PLD5: variants seen among roughly 807,000 people sequenced by gnomAD.
PLD5 encodes inactive phospholipase D5.
In PLD5, 36 loss-of-function variants were observed where a neutral mutation model predicts 61.1. The observed-to-expected ratio is 0.59, with a 90% CI of 0.45 to 0.78. The LOEUF (loss-of-function observed/expected upper bound fraction) is 0.78. Among genes scored for constraint, PLD5 ranks in the 30% least tolerant of loss-of-function variants. The pLI is 0.00. For synonymous variants in PLD5, 243 were observed against 242.8 expected (o/e 1.00, Z -0.01); for missense variants, 515 against 644.4 (o/e 0.80, Z 2.17).
At chr1:242,148,401 T>A in intron 5 of PLD5, among the ~76,000 whole-genome samples, 1 of 151,626 alleles carries the variant, frequency 6.6e-6, no homozygotes, top group South Asian at 2.1e-4. Context: ...GTATAGTAGG[T>A]CAGAAAATCA....
intron 1 of PLD5, among the ~76,000 whole-genome samples, chr1:242,419,104 GA>G (rs1310909007): frequency 6.6e-6 from 1 of 150,996 alleles, no homozygotes; most frequent in East Asian, 1.9e-4. Flanking sequence ...ACACAGGCAG[GA>G]AAAAAAAATG....
chr1:242,409,071 A>AAAAAAAG (rs1259125803), intron 1 of PLD5, among the ~76,000 whole-genome samples: 7 of 140,376 alleles, frequency 5.0e-5, no homozygotes, highest in African/African-American at 2.2e-4. Flanking sequence ...CTCTCAAAAA[A>AAAAAAAG]AAAAGAAAAG....
rs1044757770 is a variant in PLD5 at position 242,499,298 on chromosome 1, C to A, written c.189+24790G>T. Among the ~76,000 whole-genome samples, 13 of 152,162 alleles carry A rather than the reference C, an allele frequency of 8.5e-5. 1 individual carries two copies. Among genetic ancestry groups the A allele is most frequent in the Middle Eastern group, 6.8e-3 (2 of 294 alleles). On this transcript the variant is annotated intron_variant, in intron 1 of 9. Coordinates refer to ENST00000536534, the MANE Select transcript of PLD5 (RefSeq NM_001372062.1). ...AGGCTTTATATGTGGCAAGTAGGTTCCATGGAGAAATAAAAATTGGCAGAA... is the reference window on the plus strand; with the variant it reads ...AGGCTTTATATGTGGCAAGTAGGTTACATGGAGAAATAAAAATTGGCAGAA...
chr1:242,270,481 T>G (rs1184809412), intron 3 of PLD5, among the ~76,000 whole-genome samples: 1 of 152,152 alleles, frequency 6.6e-6, no homozygotes, highest in Non-Finnish European at 1.5e-5. Context: ...TGCAACACAG[T>G]TCTCCCTGAA....
intron 1 of PLD5, among the ~76,000 whole-genome samples, chr1:242,362,074 T>A (rs1661100383): frequency 6.6e-6 from 1 of 151,932 alleles, no homozygotes; most frequent in African/African-American, 2.4e-5. Flanking sequence ...GTACAAAAAT[T>A]ATCCAAAAAT....
At chr1:242,235,194 G>C (rs926072263) in intron 4 of PLD5, among the ~76,000 whole-genome samples, 2 of 152,030 alleles carry the variant, frequency 1.3e-5, no homozygotes, top group African/African-American at 4.8e-5. Context: ...GCCTCATGAG[G>C]GTAATAACAG....
At chr1:242,413,992 C>T (rs1258415758) in intron 1 of PLD5, among the ~76,000 whole-genome samples, 1 of 152,136 alleles carries the variant, frequency 6.6e-6, no homozygotes, top group Non-Finnish European at 1.5e-5. Context: ...ATTTTAAAAA[C>T]TCCCTTTGGT....
At position 242,084,890 on chromosome 1, in the gene PLD5, G is replaced by A. The variant is rs910478879; in HGVS notation, c.*4964C>T. Reference sequence around the variant, plus strand: ...CTTCTTCATAATTTACCACAGTACAGCTTGGTTACTGATGAGAGACTGATT... The same window carrying A: ...CTTCTTCATAATTTACCACAGTACAACTTGGTTACTGATGAGAGACTGATT... On this transcript the variant is annotated 3_prime_UTR_variant, in exon 10 of 10. Coordinates refer to ENST00000536534, the MANE Select transcript of PLD5 (RefSeq NM_001372062.1). The A allele has an allele frequency of 4.7e-5, 7 of 150,322 alleles. No individual in the cohort carries two copies. The highest frequency in any genetic ancestry group is 1.7e-4 in the African/African-American group (7 of 40,912). 9.3% of individuals were successfully genotyped at this position (150,322 alleles called of 1,614,324 possible). A position where few individuals can be genotyped will look rare whatever the true frequency, so the allele number is the denominator to read the frequency against.
At chr1:242,161,688 A>C (rs1665841215) in intron 5 of PLD5, among the ~76,000 whole-genome samples, 1 of 152,184 alleles carries the variant, frequency 6.6e-6, no homozygotes, top group African/African-American at 2.4e-5. Context: ...TGACTTAGGA[A>C]CATTTCACTC....
intron 5 of PLD5, among the ~76,000 whole-genome samples, chr1:242,135,874 A>G (rs762231299): frequency 6.6e-6 from 1 of 151,996 alleles, no homozygotes; most frequent in Non-Finnish European, 1.5e-5. Flanking sequence ...CCTCCTTTCT[A>G]CTTCTCACTG....
At chr1:242,132,366 CAGAATAATTAATATGAGTTAGCTCA>C (rs1663366011) in intron 5 of PLD5, among the ~76,000 whole-genome samples, 1 of 152,056 alleles carries the variant, frequency 6.6e-6, no homozygotes, top group Non-Finnish European at 1.5e-5. Flanking sequence ...TGCTGTAATT[CAGAATAATTAATATGAGTTAGCTCA>C]AGAAAGCTCA....
chr1:242,228,240 T>G (rs997198195), intron 4 of PLD5, among the ~76,000 whole-genome samples: 4 of 152,190 alleles, frequency 2.6e-5, no homozygotes, highest in Non-Finnish European at 5.9e-5. Context: ...ATAAACTAGA[T>G]CTATCTTCCA....
intron 1 of PLD5, among the ~76,000 whole-genome samples, chr1:242,435,750 G>A (rs2008631): frequency 0.27 from 41,036 of 152,064 alleles, 6,326 homozygotes; most frequent in Admixed American, 0.34. Context: ...TGATCATAGT[G>A]ACTTTATGGA....
upstream of PLD5, among the ~76,000 whole-genome samples, chr1:242,528,940 T>G (rs1669498808): frequency 6.6e-6 from 1 of 152,244 alleles, no homozygotes; most frequent in South Asian, 2.1e-4. Context: ...TAAAACATGT[T>G]AATACTTAGA....
intron 1 of PLD5, chr1:242,377,282 G>C: frequency 6.2e-7 from 1 of 1,609,032 alleles, no homozygotes; most frequent in Non-Finnish European, 8.5e-7. Context: ...GGTTTTCAGT[G>C]GTGAAGCCAC....
In PLD5 at chr1:242,371,135, C is replaced by T. The variant is rs529405189; in HGVS notation, c.190-22893G>A. Among the ~76,000 whole-genome samples, 22 of 152,272 alleles carry T rather than the reference C, an allele frequency of 1.4e-4. No homozygotes were observed. The South Asian group carries it at 3.9e-3, about 27-fold the overall frequency. ...AAGTTAGGATTGACTTCGGGTGTAA[C>T]TGGCAAGTAATGAAGAAGCAAAATT... On this transcript the variant is annotated intron_variant, in intron 1 of 9. Coordinates refer to ENST00000536534, the MANE Select transcript of PLD5 (RefSeq NM_001372062.1).
intron 1 of PLD5, among the ~76,000 whole-genome samples, chr1:242,445,209 C>A (rs567884069): frequency 6.6e-6 from 1 of 152,188 alleles, no homozygotes. Context: ...AGCTATCGAG[C>A]TCATTCTACT....
chr1:242,390,611 C>T (rs747060028), intron 1 of PLD5, among the ~76,000 whole-genome samples: 70 of 152,074 alleles, frequency 4.6e-4, no homozygotes, highest in Admixed American at 9.8e-4. Context: ...ATGATGTGTG[C>T]ACAGCTGAGG....
intron 1 of PLD5, among the ~76,000 whole-genome samples, chr1:242,369,655 C>T (rs1037010186): frequency 2.6e-5 from 4 of 152,120 alleles, no homozygotes; most frequent in Admixed American, 6.6e-5. Context: ...AAAAGATGTT[C>T]GTGGTTTGCT....
Sources: allele counts gnomAD v4.1 joint callset (sites outside exome capture counted in the v4.1 genomes callset), GRCh38; gene constraint gnomAD v4.1.1; transcripts MANE v1.5; gene names NCBI Gene and HGNC (gene_info 2026-07-23, HGNC 2026-07-21).